AKAP9: variants seen among roughly 807,000 people sequenced by gnomAD.
The protein encoded by AKAP9 is A-kinase anchor protein 9.
A neutral mutation model predicts 488.5 loss-of-function variants in AKAP9; 311 were observed. The ratio of observed to expected loss-of-function variants is 0.64; its 90% CI spans 0.58 to 0.70. The LOEUF (loss-of-function observed/expected upper bound fraction) is 0.70. Among genes scored for constraint, AKAP9 ranks in the 30% least tolerant of loss-of-function variants. AKAP9 has a pLI of 0.00. For missense variants in AKAP9, 4,215 were observed against 4,374.5 expected, an observed-to-expected ratio of 0.96 and a Z score of 1.03; for synonymous variants, 1,462 against 1,483.5, an observed-to-expected ratio of 0.99 and a Z score of 0.33.
chr7:91,962,460 C>T (rs1340504162), intron 1 of AKAP9, among the ~76,000 whole-genome samples: 1 of 152,014 alleles, frequency 6.6e-6, no homozygotes, highest in Non-Finnish European at 1.5e-5. Flanking sequence ...ATTAAATATG[C>T]CCGTTAAACT....
In AKAP9 at chr7:92,079,913, G is replaced by T. The variant is rs765254843; in HGVS notation, c.7780G>T (p.Glu2594Ter). The T allele has an allele frequency of 6.2e-7, 1 of 1,613,674 alleles. No homozygotes were observed. The highest frequency in any genetic ancestry group is 8.5e-7 in the Non-Finnish European group (1 of 1,179,756). Residue 2594 changes from glutamate to a stop codon, truncating the protein, a stop_gained, in exon 31 of 50, where the codon GAA (glutamate) becomes TAA (stop). Coordinates refer to ENST00000356239, the MANE Select transcript of AKAP9 (RefSeq NM_005751.5). LOFTEE classifies it high-confidence loss of function. ...TATTCAGAATTTAAATCAACTAAGAGAAGATGAGTTGGGGTCAGATATATC... is the reference window on the plus strand; with the variant it reads ...TATTCAGAATTTAAATCAACTAAGATAAGATGAGTTGGGGTCAGATATATC... The part of the protein sequence containing the change: ...TNIQNLNQLR[E>*]DELGSDISAL...
In AKAP9 at chr7:92,038,518, G is replaced by A. The variant is rs1805542739; in HGVS notation, c.4438G>A (p.Val1480Met). The A allele has an allele frequency of 6.2e-7, 1 of 1,613,892 alleles. No homozygotes were observed. Among genetic ancestry groups the A allele is most frequent in the East Asian group, 2.2e-5 (1 of 44,812 alleles). Residue 1480 changes from valine to methionine, a missense_variant, in exon 17 of 50, where the codon GTG becomes ATG. Physicochemically the swap from Val to Met is conservative, Grantham distance 21. This residue lies in a region of AKAP9 where 2,361 missense variants were observed against 2,430.0 expected (regional missense o/e 0.97). Transcript: ENST00000356239. ...NTASSKQAHA[V>M]CQQEQHYFNE... ...TGCATCATCAAAGCAAGCACATGCTGTGTGTCAGCAAGAACAACATTATTT... is the reference window on the plus strand; with the variant it reads ...TGCATCATCAAAGCAAGCACATGCTATGTGTCAGCAAGAACAACATTATTT...
At chr7:91,980,061 T>C (rs913311502) in intron 2 of AKAP9, among the ~76,000 whole-genome samples, 7 of 152,218 alleles carry the variant, frequency 4.6e-5, no homozygotes, top group Non-Finnish European at 1.0e-4. Flanking sequence ...TACCTCTTGA[T>C]ACTTTTATAT....
In AKAP9 at chr7:92,085,601, G is replaced by A; in HGVS notation, c.8939G>A (p.Trp2980Ter). 1 of 1,613,766 alleles carries A rather than the reference G, an allele frequency of 6.2e-7. No homozygotes were observed. The highest frequency in any genetic ancestry group is 8.5e-7 in the Non-Finnish European group (1 of 1,179,856). ...DHSIQQVSEP[W>*]LEERKAYINT... Reference sequence around the variant, plus strand: ...TCTATTCAGCAGGTTTCAGAACCTTGGCTAGAAGAGAGAAAAGCTTACATC... The same window carrying A: ...TCTATTCAGCAGGTTTCAGAACCTTAGCTAGAAGAGAGAAAAGCTTACATC... Residue 2980 changes from tryptophan (W) to a stop codon, truncating the protein, a stop_gained, in exon 36 of 50, where the codon TGG (tryptophan) becomes TAG (stop). Transcript: ENST00000356239. LOFTEE classifies it high-confidence loss of function.
chr7:92,016,405 C>G, intron 11 of AKAP9, 138 bp downstream of exon 11: 1 of 626,852 alleles, frequency 1.6e-6, no homozygotes, highest in South Asian at 2.1e-5. Context: ...CTTTCAGATT[C>G]ATGAAATCTC....
chr7:92,073,625 GT>G (rs1812099457), intron 28 of AKAP9, among the ~76,000 whole-genome samples: 1 of 152,094 alleles, frequency 6.6e-6, no homozygotes, highest in African/African-American at 2.4e-5. Context: ...TCTTAATAAT[GT>G]TCTTCTGGTT....
chr7:92,104,193 T>TATTTATTTA (rs34894824), intron 46 of AKAP9, among the ~76,000 whole-genome samples: 9 of 136,602 alleles, frequency 6.6e-5, no homozygotes, highest in African/African-American at 2.6e-4. Context: ...TTTATTTATT[T>TATTTATTTA]TTTTTTTTTT....
chr7:92,104,298 C>G (rs1287459550), intron 46 of AKAP9, among the ~76,000 whole-genome samples: 12 of 151,428 alleles, frequency 7.9e-5, no homozygotes, highest in Non-Finnish European at 1.8e-4. Flanking sequence ...TCATGCCATT[C>G]TCCTGCCTCA....
intron 7 of AKAP9, 150 bp from the exon 8 acceptor site, chr7:92,000,698 G>T (rs1271334969): frequency 6.1e-6 from 3 of 493,106 alleles, no homozygotes; most frequent in Non-Finnish European, 1.1e-5. Flanking sequence ...TCATTATTGT[G>T]GAAAAAATTG....
At chr7:91,991,070 G>T (rs1797687120) in intron 3 of AKAP9, among the ~76,000 whole-genome samples, 1 of 152,052 alleles carries the variant, frequency 6.6e-6, no homozygotes, top group Non-Finnish European at 1.5e-5. Context: ...TGTATATAGG[G>T]TTCAATACTA....
Position 92,092,999 on chromosome 7 carries a change from A to C in AKAP9, c.9359-98A>C, listed in dbSNP as rs1052201167. 6 of 1,039,298 alleles carry C rather than the reference A, an allele frequency of 5.8e-6. No homozygotes were observed. The African/African-American group carries it at 8.0e-5, about 14-fold the overall frequency. The allele number at this position is 1,039,298 out of a possible 1,614,324, so 64.4% of individuals were successfully genotyped here. ...TAATTTTTCATGTTTCCTTTGAAGT[A>C]ATCTCCTTAACTACAAATCAGTTCT... On this transcript the variant is annotated intron_variant, in intron 38 of 49. Transcript: ENST00000356239.
intron 15 of AKAP9, among the ~76,000 whole-genome samples, chr7:92,031,032 A>G (rs943529098): frequency 5.9e-5 from 9 of 152,242 alleles, no homozygotes; most frequent in African/African-American, 2.2e-4. Context: ...TCATACTGAG[A>G]ACATATTTAT....
Position 91,976,446 on chromosome 7 carries a change from C to A in AKAP9, c.306+2478C>A, listed in dbSNP as rs548021745. On this transcript the variant is annotated intron_variant, in intron 2 of 49. Coordinates refer to ENST00000356239, the MANE Select transcript of AKAP9 (RefSeq NM_005751.5). ...CCATGTTGCCCAGGCTTGTCTTGAACTCCTGGATTCAAGTGATCTGCCTGC... is the reference window on the plus strand; with the variant it reads ...CCATGTTGCCCAGGCTTGTCTTGAAATCCTGGATTCAAGTGATCTGCCTGC... Among the ~76,000 whole-genome samples, 8 of 152,302 alleles carry A rather than the reference C, an allele frequency of 5.3e-5. No homozygotes were observed. In the South Asian group the frequency reaches 1.5e-3, roughly 28 times the overall value.
At position 92,002,188 on chromosome 7, in the gene AKAP9, A is replaced by G; in HGVS notation, c.2271A>G (p.Lys757=). 1 of 1,593,750 alleles carries G rather than the reference A, an allele frequency of 6.3e-7. No individual in the cohort carries two copies. Among genetic ancestry groups the G allele is most frequent in the South Asian group, 1.2e-5 (1 of 85,286 alleles). ...ELQLKTELLE[K]QMKEKENDLQ... ...AACTTAAAACAGAATTGTTAGAAAAACAGATGAAGGAAAAAGAGAATGATC... is the reference window on the plus strand; with the variant it reads ...AACTTAAAACAGAATTGTTAGAAAAGCAGATGAAGGAAAAAGAGAATGATC... The change falls in exon 8 of 50, where the codon AAA becomes AAG. Residue 757 remains lysine (K), a synonymous_variant. Transcript: ENST00000356239.
intron 1 of AKAP9, among the ~76,000 whole-genome samples, chr7:91,956,259 G>A (rs923479090): frequency 4.0e-5 from 6 of 151,834 alleles, no homozygotes; most frequent in Non-Finnish European, 7.4e-5. Flanking sequence ...AGTTAGCCGG[G>A]TGTGGTGGCA....
At chr7:92,019,468 C>T (rs1222648926) in intron 12 of AKAP9, among the ~76,000 whole-genome samples, 1 of 151,398 alleles carries the variant, frequency 6.6e-6, no homozygotes, top group Non-Finnish European at 1.5e-5. Context: ...TTTATTTATT[C>T]CTTAGATCTG....
At chr7:92,015,219 G>A (rs2130710862) in intron 10 of AKAP9, among the ~76,000 whole-genome samples, 1 of 152,240 alleles carries the variant, frequency 6.6e-6, no homozygotes, top group South Asian at 2.1e-4. Context: ...TTATTTGAGA[G>A]CTTATCAAAT....
intron 16 of AKAP9, among the ~76,000 whole-genome samples, chr7:92,034,138 A>G (rs976718336): frequency 2.0e-5 from 3 of 152,218 alleles, no homozygotes; most frequent in Non-Finnish European, 4.4e-5. Context: ...GGAAGATATC[A>G]GGTTGAGGAC....
In AKAP9 at chr7:91,973,891, G is replaced by A; in HGVS notation, c.229G>A (p.Val77Met). 6.2e-7 allele frequency: 1 copy of A among 1,613,828 alleles called. No homozygotes were observed. Among genetic ancestry groups the A allele is most frequent in the Non-Finnish European group, 8.5e-7 (1 of 1,179,812 alleles). The change falls in exon 2 of 50, where the codon GTG becomes ATG. Residue 77 changes from valine to methionine, a missense_variant. Val to Met is a conservative substitution (Grantham distance 21). This residue lies in a region of AKAP9 where 2,361 missense variants were observed against 2,430.0 expected (regional missense o/e 0.97). Coordinates refer to ENST00000356239, the MANE Select transcript of AKAP9 (RefSeq NM_005751.5). ...TAGTTCTCAGAGAGTAGAATCAACT[G>A]TGATTCCTGAATCTACAATAATGAG... is the stretch of plus-strand genomic sequence containing the variant. ...INSSQRVEST[V>M]IPESTIMRTL...
Sources: gnomAD v4.1 joint callset for allele counts (sites outside exome capture counted in the v4.1 genomes callset) on GRCh38, gnomAD v4.1.1 for gene constraint, gnomAD v4.1.1 regional missense constraint, MANE v1.5 for transcripts, NCBI Gene and HGNC (gene_info 2026-07-23, HGNC 2026-07-21) for gene names.